Variants in TUBB2B observed in about 807,000 individuals in gnomAD.
TUBB2B encodes tubulin beta-2B chain.
TUBB2B carries 5 observed loss-of-function variants against 35.0 expected under a neutral mutation model. The ratio of observed to expected loss-of-function variants is 0.14; its 90% CI spans 0.07 to 0.30. TUBB2B has a LOEUF of 0.30. Among genes scored for constraint, TUBB2B ranks in the 10% least tolerant of loss-of-function variants. The pLI is 1.00. For missense variants in TUBB2B, 63 were observed against 601.8 expected (o/e 0.10, Z 9.37); for synonymous variants, 166 against 250.5 (o/e 0.66, Z 3.18).
rs780259378 is a variant in TUBB2B, at chr6:3,226,549, A to G, written c.166+12T>C. 1.9e-6 allele frequency: 3 copies of G among 1,611,056 alleles called. No homozygotes were observed. The highest frequency in any genetic ancestry group is 2.5e-6 in the Non-Finnish European group (3 of 1,177,202). On this transcript the variant is annotated intron_variant, in intron 2 of 3. Transcript: ENST00000259818. The surrounding 1 kb of genome is among the most constrained non-coding windows in gnomAD (Gnocchi z 5.5). Reference sequence around the variant, plus strand: ...AAACTGAAGGGAGTGGGGGTGGGGCAAGGGTGATTACCAGTGGCTTCATTG... The same window carrying G: ...AAACTGAAGGGAGTGGGGGTGGGGCGAGGGTGATTACCAGTGGCTTCATTG...
Position 3,224,743 on chromosome 6 carries a change from G to C in TUBB2B, c.*8C>G, listed in dbSNP as rs780003494. 7 of 1,613,646 alleles carry C rather than the reference G, an allele frequency of 4.3e-6. No individual in the cohort carries two copies. Among genetic ancestry groups the C allele is most frequent in the Non-Finnish European group, 5.1e-6 (6 of 1,179,870 alleles). ...CTCCGCTTTCCCTAACCCGTCTCGC[G>C]GGGGCATCTACGCCTCGTCCTCGCC... On this transcript the variant is annotated 3_prime_UTR_variant, in exon 4 of 4. Transcript: ENST00000259818.
rs772459527 is a variant in TUBB2B, at chr6:3,225,711, G to A, written c.378C>T (p.Ser126=). 3 of 1,611,664 alleles carry A rather than the reference G, an allele frequency of 1.9e-6. No homozygotes were observed. ...VLDVVRKESE[S]CDCLQGFQLT... ...GCTGGAAGCCCTGGAGACAGTCACA[G>A]CTCTCTGACTCCTTCCTCACCACAT... The change falls in exon 4 of 4, where the codon AGC becomes AGT. Residue 126 remains serine, a synonymous_variant. Transcript: ENST00000259818.
chr6:3,225,934 T>C (rs578050214), intron 3 of TUBB2B, 123 bp from the exon 4 acceptor site: 9 of 1,504,378 alleles, frequency 6.0e-6, no homozygotes, highest in Middle Eastern at 2.2e-4. Context: ...ATCACCAAAA[T>C]GGCCAAACGT....
chr6:3,224,657 C>A lies in TUBB2B; in HGVS notation c.*94G>T. On this transcript the variant is annotated 3_prime_UTR_variant, in exon 4 of 4. Coordinates refer to ENST00000259818, the MANE Select transcript of TUBB2B (RefSeq NM_178012.5). ...CAGCGCACACCTAAAGTAGACCATG[C>A]TTCTTTCCTTCCACTGCCAGGTTAT... 1 of 1,566,818 alleles carries A rather than the reference C, an allele frequency of 6.4e-7. No individual in the cohort carries two copies. Among genetic ancestry groups the A allele is most frequent in the Non-Finnish European group, 8.7e-7 (1 of 1,153,590 alleles).
Position 3,226,389 on chromosome 6 carries a change from C to T in TUBB2B, c.167-120G>A, listed in dbSNP as rs1325888226. 3 of 1,084,392 alleles carry T rather than the reference C, an allele frequency of 2.8e-6. No individual in the cohort carries two copies. The highest frequency in any genetic ancestry group is 4.2e-6 in the Non-Finnish European group (3 of 714,216). The allele number at this position is 1,084,392 out of a possible 1,614,324, so 67.2% of individuals were successfully genotyped here. On this transcript the variant is annotated intron_variant, in intron 2 of 3. Transcript: ENST00000259818. The surrounding 1 kb of genome is among the most constrained non-coding windows in gnomAD (Gnocchi z 5.5). ...AAAGGGAGACCCACCATCAGGTTCT[C>T]AAAGGGCTCTGTTGGCATAAGGAAG...
Position 3,224,688 on chromosome 6 carries a change from CG to C in TUBB2B, c.*62del. On this transcript the variant is annotated 3_prime_UTR_variant, in exon 4 of 4. Coordinates refer to ENST00000259818, the MANE Select transcript of TUBB2B (RefSeq NM_178012.5). ...TCCTTCCACTGCCAGGTTATCGTCC[CG>C]GGAAGCCCCCCACCCCCTCGCTTTC... The C allele has an allele frequency of 1.9e-6, 3 of 1,602,764 alleles. No individual in the cohort carries two copies. Among genetic ancestry groups the C allele is most frequent in the Non-Finnish European group, 2.6e-6 (3 of 1,173,342 alleles).
chr6:3,224,408 G>A lies in TUBB2B; in HGVS notation c.*343C>T, dbSNP rs1374778732. On this transcript the variant is annotated 3_prime_UTR_variant, in exon 4 of 4. Transcript: ENST00000259818. ...GCTTTTACCTACGCCTTTGCTTTTT[G>A]TTAAAGGAAGAATTCAATGCAATGT... 9 of 389,648 alleles carry A rather than the reference G, an allele frequency of 2.3e-5. No homozygotes were observed. Among genetic ancestry groups the A allele is most frequent in the Non-Finnish European group, 4.1e-5 (9 of 216,940 alleles). 24.1% of individuals were successfully genotyped at this position (389,648 alleles called of 1,614,324 possible). A position where few individuals can be genotyped will look rare whatever the true frequency, so the allele number is the denominator to read the frequency against.
Position 3,227,551 on chromosome 6 carries a change from C to A in TUBB2B, c.-8G>T. The A allele has an allele frequency of 1.2e-6, 2 of 1,610,770 alleles. No homozygotes were observed. Among genetic ancestry groups the A allele is most frequent in the South Asian group, 2.2e-5 (2 of 91,008 alleles). On this transcript the variant is annotated 5_prime_UTR_variant, in exon 1 of 4. Coordinates refer to ENST00000259818, the MANE Select transcript of TUBB2B (RefSeq NM_178012.5). The surrounding 1 kb of genome is among the most constrained non-coding windows in gnomAD (Gnocchi z 7.8). ...GTGCACGATCTCACGCATGGTGCCTCGTCAGCGTCCTCCTGGTCCGGCGGC... is the reference window on the plus strand; with the variant it reads ...GTGCACGATCTCACGCATGGTGCCTAGTCAGCGTCCTCCTGGTCCGGCGGC...
rs187475255 is a variant in TUBB2B at position 3,226,055 on chromosome 6, C to T, written c.277+104G>A. Reference sequence around the variant, plus strand: ...CTATATTAAAGCTAAGTTGGCACACCGCGGATGTTCTTCATGCTTTCCCTC... The same window carrying T: ...CTATATTAAAGCTAAGTTGGCACACTGCGGATGTTCTTCATGCTTTCCCTC... On this transcript the variant is annotated intron_variant, in intron 3 of 3. Coordinates refer to ENST00000259818, the MANE Select transcript of TUBB2B (RefSeq NM_178012.5). The surrounding 1 kb of genome is among the most constrained non-coding windows in gnomAD (Gnocchi z 5.5). 2.2e-5 allele frequency: 30 copies of T among 1,371,206 alleles called. No homozygotes were observed. In the Admixed American group the frequency reaches 4.3e-4, roughly 20 times the overall value. The allele number at this position is 1,371,206 out of a possible 1,614,324, so 84.9% of individuals were successfully genotyped here.
In TUBB2B at chr6:3,224,590, GAA is replaced by G. The variant is rs10717744; in HGVS notation, c.*159_*160del. The G allele has an allele frequency of 2.0e-4, 217 of 1,062,708 alleles. 1 individual carries two copies. The highest frequency in any genetic ancestry group is 1.6e-3 in the African/African-American group (102 of 62,486). The allele number at this position is 1,062,708 out of a possible 1,614,324, so 65.8% of individuals were successfully genotyped here. A position where few individuals can be genotyped will look rare whatever the true frequency, so the allele number is the denominator to read the frequency against. On this transcript the variant is annotated 3_prime_UTR_variant, in exon 4 of 4. Transcript: ENST00000259818. Reference sequence around the variant, plus strand: ...TGATGTCATCAATATTACAAAAAAGGAAAAAAAAAGTGACAGGCAACAGTGAA... The same window carrying G: ...TGATGTCATCAATATTACAAAAAAGGAAAAAAAGTGACAGGCAACAGTGAA...
Position 3,226,208 on chromosome 6 carries a change from A to G in TUBB2B, c.228T>C (p.Val76=), listed in dbSNP as rs1581526198. The change falls in exon 3 of 4, where the codon GTT becomes GTC. Residue 76 remains valine, a synonymous_variant. Transcript: ENST00000259818. The surrounding 1 kb of genome is among the most constrained non-coding windows in gnomAD (Gnocchi z 5.5). ...VDLEPGTMDS[V]RSGPFGQIFR... is the part of the protein sequence containing the mutation. ...AGATCTGGCCGAATGGTCCAGACCT[A>G]ACCGAATCCATCGTGCCTGGCTCCA... 1 of 1,614,158 alleles carries G rather than the reference A, an allele frequency of 6.2e-7. No homozygotes were observed. The highest frequency in any genetic ancestry group is 8.5e-7 in the Non-Finnish European group (1 of 1,180,018).
Position 3,224,862 on chromosome 6 carries a change from G to T in TUBB2B, c.1227C>A (p.Thr409=). 1 of 1,609,116 alleles carries T rather than the reference G, an allele frequency of 6.2e-7. No individual in the cohort carries two copies. The highest frequency in any genetic ancestry group is 2.2e-5 in the East Asian group (1 of 44,694). ...GGTCGTTCATGTTGCTCTCGGCCTC[G>T]GTGAACTCCATCTCGTCCATGCCCT... The part of the protein sequence containing the change: ...TGEGMDEMEF[T]EAESNMNDLV... Residue 409 remains threonine, a synonymous_variant, in exon 4 of 4, where the codon ACC becomes ACA. Transcript: ENST00000259818.
In TUBB2B at chr6:3,226,346, G is replaced by T. The variant is rs748255881; in HGVS notation, c.167-77C>A. 1.5e-6 allele frequency: 2 copies of T among 1,332,702 alleles called. No individual in the cohort carries two copies. Among genetic ancestry groups the T allele is most frequent in the Non-Finnish European group, 2.1e-6 (2 of 935,328 alleles). 82.6% of individuals were successfully genotyped at this position (1,332,702 alleles called of 1,614,324 possible). ...AGGGCTTGGCGCCTGCTGCCATCAT[G>T]CAGATGTTGCCCCAAACAAAGGGAG... On this transcript the variant is annotated intron_variant, in intron 2 of 3. Transcript: ENST00000259818. The surrounding 1 kb of genome is among the most constrained non-coding windows in gnomAD (Gnocchi z 5.5).
chr6:3,224,677 G>C lies in TUBB2B; in HGVS notation c.*74C>G. The C allele has an allele frequency of 3.1e-6, 5 of 1,595,260 alleles. No homozygotes were observed. Among genetic ancestry groups the C allele is most frequent in the Non-Finnish European group, 4.3e-6 (5 of 1,169,186 alleles). ...CCATGCTTCTTTCCTTCCACTGCCA[G>C]GTTATCGTCCCGGGAAGCCCCCCAC... On this transcript the variant is annotated 3_prime_UTR_variant, in exon 4 of 4. Transcript: ENST00000259818.
In TUBB2B at chr6:3,225,427, G is replaced by T; in HGVS notation, c.662C>A (p.Thr221Asn). 6.2e-7 allele frequency: 1 copy of T among 1,613,400 alleles called. No homozygotes were observed. Among genetic ancestry groups the T allele is most frequent in the East Asian group, 2.2e-5 (1 of 44,782 alleles). The change falls in exon 4 of 4, where the codon ACC becomes AAC. Residue 221 changes from threonine (T) to asparagine (N), a missense_variant. By Grantham distance (65) the Thr-to-Asn change is moderately conservative. This residue lies in a region of TUBB2B where 6 missense variants were observed against 320.2 expected (regional missense o/e 0.02). Transcript: ENST00000259818. ...CFRTLKLTTPTYGDLNHLVSA... is the reference protein window; with the variant it reads ...CFRTLKLTTPNYGDLNHLVSA... Reference sequence around the variant, plus strand: ...CACCAGGTGGTTGAGGTCCCCGTAGGTGGGGGTGGTCAGCTTCAGGGTGCG... The same window carrying T: ...CACCAGGTGGTTGAGGTCCCCGTAGTTGGGGGTGGTCAGCTTCAGGGTGCG...
rs372442487 is a variant in TUBB2B at position 3,225,844 on chromosome 6, G to A, written c.278-33C>T. 10 of 1,612,932 alleles carry A rather than the reference G, an allele frequency of 6.2e-6. No homozygotes were observed. The African/African-American group carries it at 9.3e-5, about 15-fold the overall frequency. On this transcript the variant is annotated intron_variant, in intron 3 of 3. Transcript: ENST00000259818. ...AGGGAAAGAGAAATCTTAAGTCACC[G>A]GTGATTGTACTAAATACCTTACCTC... is the stretch of plus-strand genomic sequence containing the variant.
At position 3,226,010 on chromosome 6, in the gene TUBB2B, G is replaced by C; in HGVS notation, c.277+149C>G. On this transcript the variant is annotated intron_variant, in intron 3 of 3. Coordinates refer to ENST00000259818, the MANE Select transcript of TUBB2B (RefSeq NM_178012.5). The surrounding 1 kb of genome is among the most constrained non-coding windows in gnomAD (Gnocchi z 5.5). ...CCAGGACACCAAGCTCTTAGCAGCT[G>C]AAAGGCAAACAATTTTACACTATAT... 7.6e-7 allele frequency: 1 copy of C among 1,318,336 alleles called. No individual in the cohort carries two copies. The highest frequency in any genetic ancestry group is 2.5e-5 in the East Asian group (1 of 40,204). 81.7% of individuals were successfully genotyped at this position (1,318,336 alleles called of 1,614,324 possible).
chr6:3,226,352 G>T lies in TUBB2B; in HGVS notation c.167-83C>A. 1 of 1,312,008 alleles carries T rather than the reference G, an allele frequency of 7.6e-7. No homozygotes were observed. The highest frequency in any genetic ancestry group is 1.1e-6 in the Non-Finnish European group (1 of 917,482). 81.3% of individuals were successfully genotyped at this position (1,312,008 alleles called of 1,614,324 possible). On this transcript the variant is annotated intron_variant, in intron 2 of 3. Coordinates refer to ENST00000259818, the MANE Select transcript of TUBB2B (RefSeq NM_178012.5). This position sits in a 1 kb window ranked among gnomAD's most constrained non-coding sequence, Gnocchi z 5.5. ...TGGCGCCTGCTGCCATCATGCAGATGTTGCCCCAAACAAAGGGAGACCCAC... is the reference window on the plus strand; with the variant it reads ...TGGCGCCTGCTGCCATCATGCAGATTTTGCCCCAAACAAAGGGAGACCCAC...
Position 3,226,196 on chromosome 6 carries a change from T to C in TUBB2B, c.240A>G (p.Pro80=), listed in dbSNP as rs751110580. ...TGTCTGGTCTGAAGATCTGGCCGAA[T>C]GGTCCAGACCTAACCGAATCCATCG... ...PGTMDSVRSG[P]FGQIFRPDNF... The change falls in exon 3 of 4, where the codon CCA becomes CCG. Residue 80 remains proline, a synonymous_variant. Coordinates refer to ENST00000259818, the MANE Select transcript of TUBB2B (RefSeq NM_178012.5). This position sits in a 1 kb window ranked among gnomAD's most constrained non-coding sequence, Gnocchi z 5.5. The C allele has an allele frequency of 6.2e-7, 1 of 1,614,176 alleles. No individual in the cohort carries two copies. Among genetic ancestry groups the C allele is most frequent in the Non-Finnish European group, 8.5e-7 (1 of 1,180,042 alleles).
Sources: allele counts gnomAD v4.1 joint callset, GRCh38; gene constraint gnomAD v4.1.1; regional missense constraint gnomAD v4.1.1; non-coding constraint Gnocchi (gnomAD v3.1); transcripts MANE v1.5; gene names NCBI Gene and HGNC (gene_info 2026-07-23, HGNC 2026-07-21).